The following WDR90 variants were observed in gnomAD, a reference collection of about 807,000 sequenced individuals.
WDR90 encodes the protein WD repeat-containing protein 90.
WDR90 carries 238 observed loss-of-function variants against 195.2 expected under a neutral mutation model. The observed-to-expected ratio is 1.22, with a 90% CI of 1.10 to 1.36. The LOEUF is 1.36. WDR90 is among the 40% of genes most tolerant of loss of function. The pLI is 0.00. For synonymous variants in WDR90, 1,265 were observed against 1,052.4 expected, an observed-to-expected ratio of 1.20 and a Z score of -3.91; for missense variants, 2,734 against 2,439.5, an observed-to-expected ratio of 1.12 and a Z score of -2.54.
At chr16:665,215 C>T (rs1301785061) in intron 34 of WDR90, 2 of 325,530 alleles carry the variant, frequency 6.1e-6, no homozygotes, top group Admixed American at 4.8e-5. Context: ...CTCGCTGCAA[C>T]CTCAGTCTGC....
In WDR90 at chr16:666,184, G is replaced by A. The variant is rs184391573; in HGVS notation, c.4610-36G>A. ...CTGACCTGGCCCAGGTCCAGTCTCC[G>A]GGCTGGGGGCTCACAGGGTGACGGC... On this transcript the variant is annotated intron_variant, in intron 36 of 40. Transcript: ENST00000293879. 1.9e-5 allele frequency: 31 copies of A among 1,606,530 alleles called. 1 individual carries two copies. The East Asian group carries it at 2.2e-4, about 12-fold the overall frequency.
Position 662,210 on chromosome 16 carries a change from C to T in WDR90, c.4034-10C>T. 6.5e-7 allele frequency: 1 copy of T among 1,543,642 alleles called. No homozygotes were observed. The highest frequency in any genetic ancestry group is 8.7e-7 in the Non-Finnish European group (1 of 1,143,996). On this transcript the variant is annotated splice_polypyrimidine_tract_variant and intron_variant, in intron 32 of 40. Transcript: ENST00000293879. The stretch of plus-strand genomic sequence containing the variant: ...CAGCCGTGGCCCCTTATGGCTCCTC[C>T]TGCCCCTAGGGCTGTTGCTGTTCTC...
At chr16:651,458 G>A (rs1249880796) in intron 7 of WDR90, among the ~76,000 whole-genome samples, 186 bp from the exon 8 acceptor site, 2 of 152,138 alleles carry the variant, frequency 1.3e-5, no homozygotes, top group African/African-American at 4.8e-5. Flanking sequence ...GGGTACCCGG[G>A]GGCCCCAAGC....
At chr16:655,277 G>T (rs1385832040) in intron 14 of WDR90, 30 bp from the exon 15 acceptor site, 1 of 1,609,492 alleles carries the variant, frequency 6.2e-7, no homozygotes, top group South Asian at 1.1e-5. Flanking sequence ...GCTGCGAGCT[G>T]CGGCAGTGCT....
In WDR90 at chr16:649,381, G is replaced by A. The variant is rs1334448067; in HGVS notation, c.-36G>A. 1.5e-6 allele frequency: 2 copies of A among 1,329,928 alleles called. No individual in the cohort carries two copies. 82.4% of individuals were successfully genotyped at this position (1,329,928 alleles called of 1,614,324 possible). A position where few individuals can be genotyped will look rare whatever the true frequency, so the allele number is the denominator to read the frequency against. ...GCGGGGCGTACTCTGCGCTGGGCGC[G>A]CGGAGGCCTAGGCGGGAAGCTCGAG... On this transcript the variant is annotated 5_prime_UTR_variant, in exon 1 of 41. Transcript: ENST00000293879.
At position 661,904 on chromosome 16, in the gene WDR90, C is replaced by T. The variant is rs748815224; in HGVS notation, c.3878C>T (p.Pro1293Leu). ...ADISLQVRREPVPEAVGAGEL... is the reference protein window; with the variant it reads ...ADISLQVRRELVPEAVGAGEL... Reference sequence around the variant, plus strand: ...ATACTTTGCCAGGTGCGTCGAGAGCCAGTCCCAGAGGCAGTGGGGGCTGGA... The same window carrying T: ...ATACTTTGCCAGGTGCGTCGAGAGCTAGTCCCAGAGGCAGTGGGGGCTGGA... Residue 1293 changes from proline to leucine, a missense_variant, in exon 32 of 41, where the codon CCA becomes CTA. Transcript: ENST00000293879. The T allele has an allele frequency of 7.5e-6, 12 of 1,609,550 alleles. No homozygotes were observed. Among genetic ancestry groups the T allele is most frequent in the Middle Eastern group, 1.6e-4 (1 of 6,078 alleles).
intron 7 of WDR90, 146 bp from the exon 8 acceptor site, chr16:651,498 C>T: frequency 1.0e-6 from 1 of 993,000 alleles, no homozygotes; most frequent in African/African-American, 1.6e-5. Context: ...ACTTTCAGGG[C>T]CTAGGGTGGA....
intron 20 of WDR90, 44 bp from the exon 21 acceptor site, chr16:657,718 C>A: frequency 6.7e-7 from 1 of 1,501,298 alleles, no homozygotes. Flanking sequence ...CACGCGCACC[C>A]CGGCACTCCC....
In WDR90 at chr16:667,546, C is replaced by T. The variant is rs770385152; in HGVS notation, c.5204C>T (p.Ala1735Val). 2.5e-6 allele frequency: 4 copies of T among 1,611,306 alleles called. No homozygotes were observed. Among genetic ancestry groups the T allele is most frequent in the Non-Finnish European group, 2.5e-6 (3 of 1,179,986 alleles). ...CCGTCCGCCAGGCTGCTCTTCACGG[C>T]CGCCCGCAACGAGATCCTTGTGTGG... Reference protein sequence around the residue: ...FTPSARLLFTAARNEILVWEV... With the variant: ...FTPSARLLFTVARNEILVWEV... The change falls in exon 41 of 41, where the codon GCC becomes GTC. Residue 1735 changes from alanine (A) to valine (V), a missense_variant. By Grantham distance (64) the Ala-to-Val change is moderately conservative (BLOSUM62 0). Transcript: ENST00000293879.
chr16:656,534 G>A lies in WDR90; in HGVS notation c.2199G>A (p.Gln733=), dbSNP rs28485323. ...GCATCTGGGACCTGGCCACCCTGCA[G>A]CAGGTGGGGTTTGGCAGGGGCAGCA... ...TVRIWDLATL[Q]QLYDFTSSED... The change falls in exon 18 of 41, where the codon CAG becomes CAA. Residue 733 remains glutamine (Q), a synonymous_variant. Transcript: ENST00000293879. 0.27 allele frequency: 416,505 copies of A among 1,565,338 alleles called. 62,339 individuals are homozygous for A. The highest frequency in any genetic ancestry group is 0.67 in the East Asian group (28,515 of 42,334).
Position 652,514 on chromosome 16 carries a change from T to TG in WDR90, c.1106dup (p.His370ProfsTer64). The TG allele has an allele frequency of 1.2e-6, 2 of 1,609,576 alleles. No homozygotes were observed. The highest frequency in any genetic ancestry group is 8.5e-7 in the Non-Finnish European group (1 of 1,177,806). On this transcript the variant is annotated frameshift_variant, in exon 10 of 41. Transcript: ENST00000293879. LOFTEE classifies it high-confidence loss of function. ...TGAGGCTCAAGGGCGTCATCGGCTT[T>TG]GGGGGCCACGGCACCAGACAGGTGA... is the stretch of plus-strand genomic sequence containing the variant.
intron 9 of WDR90, 76 bp from the exon 10 acceptor site, chr16:652,391 C>A (rs570291916): frequency 2.0e-6 from 3 of 1,499,104 alleles, no homozygotes; most frequent in Admixed American, 4.0e-5. Context: ...TAGGGGTTGG[C>A]GGGGCTCGGA....
At chr16:662,908 G>A (rs1782090961) in intron 34 of WDR90, 64 bp downstream of exon 34, 1 of 1,530,928 alleles carries the variant, frequency 6.5e-7, no homozygotes, top group Admixed American at 2.0e-5. Flanking sequence ...CTGCCTGCCG[G>A]CTCCATCTCC....
At chr16:660,948 C>CCCCA in intron 28 of WDR90, 103 bp from the exon 29 acceptor site, 1 of 405,312 alleles carries the variant, frequency 2.5e-6, no homozygotes, top group Non-Finnish European at 2.9e-6. Flanking sequence ...CCCCGCCCCA[C>CCCCA]GGCTCGGCCC....
intron 34 of WDR90, 122 bp from the exon 35 acceptor site, chr16:665,557 G>T (rs748747716): frequency 6.6e-7 from 1 of 1,508,224 alleles, no homozygotes; most frequent in African/African-American, 1.4e-5. Flanking sequence ...GGAGTTGGCC[G>T]GGGCCAGAGG....
chr16:650,075 C>G lies in WDR90; in HGVS notation c.187C>G (p.Gln63Glu). ...NYIQLPKSST[Q>E]SLGLTGRYLY... ...CATCCAGCTCCCTAAGAGCAGCACC[C>G]AGTCTCTGGGGCTGACGGGACGATA... The change falls in exon 3 of 41, where the codon CAG becomes GAG. Residue 63 changes from glutamine (Q) to glutamate (E), a missense_variant. By Grantham distance (29) the Gln-to-Glu change is conservative. Coordinates refer to ENST00000293879, the MANE Select transcript of WDR90 (RefSeq NM_145294.5). 1 of 1,613,070 alleles carries G rather than the reference C, an allele frequency of 6.2e-7. No homozygotes were observed. Among genetic ancestry groups the G allele is most frequent in the African/African-American group, 1.3e-5 (1 of 75,074 alleles).
chr16:649,384 G>T lies in WDR90; in HGVS notation c.-33G>T. 7.5e-7 allele frequency: 1 copy of T among 1,328,580 alleles called. No individual in the cohort carries two copies. 82.3% of individuals were successfully genotyped at this position (1,328,580 alleles called of 1,614,324 possible). A position where few individuals can be genotyped will look rare whatever the true frequency, so the allele number is the denominator to read the frequency against. ...GGGCGTACTCTGCGCTGGGCGCGCGGAGGCCTAGGCGGGAAGCTCGAGCGG... is the reference window on the plus strand; with the variant it reads ...GGGCGTACTCTGCGCTGGGCGCGCGTAGGCCTAGGCGGGAAGCTCGAGCGG... On this transcript the variant is annotated 5_prime_UTR_variant, in exon 1 of 41. Coordinates refer to ENST00000293879, the MANE Select transcript of WDR90 (RefSeq NM_145294.5).
At chr16:657,273 G>C in intron 20 of WDR90, 52 bp downstream of exon 20, 1 of 1,487,600 alleles carries the variant, frequency 6.7e-7, no homozygotes, top group Non-Finnish European at 9.0e-7. Flanking sequence ...GGGGAGGCCT[G>C]GATCTGGTGC....
intron 19 of WDR90, 63 bp downstream of exon 19, chr16:656,934 TG>T (rs2037768714): frequency 2.5e-6 from 4 of 1,577,398 alleles, no homozygotes; most frequent in Admixed American, 1.8e-5. Context: ...GGTGGCCAGG[TG>T]GGGGTCATGT....
Sources: allele counts gnomAD v4.1 joint callset (sites outside exome capture counted in the v4.1 genomes callset), GRCh38; gene constraint gnomAD v4.1.1; transcripts MANE v1.5; gene names NCBI Gene and HGNC (gene_info 2026-07-23, HGNC 2026-07-21).